Variants in KLF17 observed in about 807,000 individuals in gnomAD.
The protein encoded by KLF17 is Krueppel-like factor 17.
In KLF17, 31 loss-of-function variants were observed where a neutral mutation model predicts 34.2. That is an observed-to-expected ratio of 0.91 (90% CI 0.68 to 1.22). The LOEUF (loss-of-function observed/expected upper bound fraction) is 1.22. KLF17 is among the 50% of genes most tolerant of loss of function. The pLI is 0.00. For missense variants in KLF17, 478 were observed against 505.2 expected (o/e 0.95, Z 0.52); for synonymous variants, 179 against 186.7 (o/e 0.96, Z 0.34).
Position 44,125,813 on chromosome 1 carries a change from A to G in KLF17, c.82-3540A>G, listed in dbSNP as rs114848822. ...TTTCTTGGTATAGGTCTGTGAGTTT[A>G]TCCTACTTGAATTTTGTTGAGCTTC... On this transcript the variant is annotated intron_variant, in intron 1 of 3. Transcript: ENST00000372299. 7.8e-3 allele frequency among the ~76,000 whole-genome samples: 1,189 copies of G among 151,780 alleles called. 28 individuals carry two copies. The highest frequency in any genetic ancestry group is 0.027 in the African/African-American group (1,105 of 41,370).
chr1:44,074,015 C>G, the KLF17 span, among the ~76,000 whole-genome samples: 3 of 152,290 alleles, frequency 2.0e-5, no homozygotes, highest in East Asian at 3.9e-4. Flanking sequence ...AGCTGCCCCC[C>G]CAACAATATT....
chr1:44,106,650 G>A, the KLF17 span: 1 of 152,178 alleles, frequency 6.6e-6, no homozygotes, highest in African/African-American at 2.4e-5. Flanking sequence ...CACTGCCCAT[G>A]GTGAGTATGG....
chr1:44,122,214 C>G (rs1571985326), intron 1 of KLF17: 1 of 1,603,158 alleles, frequency 6.2e-7, no homozygotes, highest in Non-Finnish European at 8.5e-7. Flanking sequence ...TCCTCTGCCT[C>G]TGCCTCTTCC....
the KLF17 span, among the ~76,000 whole-genome samples, chr1:44,090,143 A>G: frequency 6.7e-4 from 101 of 150,336 alleles, no homozygotes; most frequent in African/African-American, 2.2e-3. Flanking sequence ...AAAAAAAAAA[A>G]AGAGAGAGAG....
the KLF17 span, among the ~76,000 whole-genome samples, chr1:44,071,873 G>T: frequency 1.3e-5 from 2 of 151,832 alleles, no homozygotes; most frequent in Non-Finnish European, 2.9e-5. Flanking sequence ...GCTACCTGCT[G>T]TCTGCTCCGG....
the KLF17 span, chr1:44,069,971 G>A: frequency 0.09 from 13,684 of 152,114 alleles, 638 homozygotes; most frequent in Non-Finnish European, 0.11. The surrounding 1 kb of genome is among the most constrained non-coding windows in gnomAD (Gnocchi z 4.7). Context: ...CATGGGTAGG[G>A]GAGGGCGGAA....
chr1:44,073,888 T>C, the KLF17 span, among the ~76,000 whole-genome samples: 4 of 152,214 alleles, frequency 2.6e-5, no homozygotes, highest in Non-Finnish European at 5.9e-5. Flanking sequence ...CTTCTCATTA[T>C]AATATAACAA....
At chr1:44,092,728 C>T in the KLF17 span, among the ~76,000 whole-genome samples, 2 of 151,468 alleles carry the variant, frequency 1.3e-5, no homozygotes, top group African/African-American at 4.9e-5. Context: ...CTCAGCCTTT[C>T]GAGTAGCTGG....
the KLF17 span, among the ~76,000 whole-genome samples, chr1:44,083,719 G>A: frequency 1.3e-5 from 2 of 150,556 alleles, no homozygotes; most frequent in Admixed American, 6.7e-5. Flanking sequence ...CTTTGAAGAC[G>A]GGAGTTGGAG....
At chr1:44,127,861 C>T (rs537266724) in intron 1 of KLF17, among the ~76,000 whole-genome samples, 4 of 117,440 alleles carry the variant, frequency 3.4e-5, no homozygotes, top group South Asian at 5.9e-4. Context: ...CAACAATTTT[C>T]GGGTGACTTT....
At chr1:44,109,969 A>G in the KLF17 span, among the ~76,000 whole-genome samples, 95 of 138,192 alleles carry the variant, frequency 6.9e-4, 1 homozygote, top group East Asian at 0.018. Context: ...GTGCAATGGC[A>G]CGATCTCGGC....
At chr1:44,119,728 C>A (rs2087925712) in intron 1 of KLF17, among the ~76,000 whole-genome samples, 2 of 152,114 alleles carry the variant, frequency 1.3e-5, no homozygotes, top group African/African-American at 4.8e-5. Flanking sequence ...TTAGGAGGAA[C>A]TGAAAGACCA....
chr1:44,087,352 C>T, the KLF17 span, among the ~76,000 whole-genome samples: 1 of 151,950 alleles, frequency 6.6e-6, no homozygotes, highest in South Asian at 2.1e-4. Context: ...CTTCCCTGGG[C>T]TCAGGGGATC....
upstream of KLF17, among the ~76,000 whole-genome samples, chr1:44,116,664 TC>T (rs2087882057): frequency 1.3e-5 from 2 of 152,338 alleles, no homozygotes; most frequent in South Asian, 2.1e-4. Flanking sequence ...TCTTGCCAAA[TC>T]CAGTAGTCAC....
the KLF17 span, among the ~76,000 whole-genome samples, chr1:44,097,340 C>A: frequency 6.6e-6 from 1 of 152,132 alleles, no homozygotes; most frequent in Admixed American, 6.6e-5. Flanking sequence ...ATTGTCTTGG[C>A]TATGCGGGCT....
At chr1:44,108,723 T>C in the KLF17 span, among the ~76,000 whole-genome samples, 462 of 135,192 alleles carry the variant, frequency 3.4e-3, 2 homozygotes, top group African/African-American at 0.012. Context: ...TGGAGTGCAA[T>C]AGCGTGATCT....
chr1:44,098,117 G>C, the KLF17 span, among the ~76,000 whole-genome samples: 1 of 152,074 alleles, frequency 6.6e-6, no homozygotes, highest in African/African-American at 2.4e-5. Flanking sequence ...CCACAGGTAT[G>C]TGCCACCATG....
At chr1:44,066,571 A>G in the KLF17 span, among the ~76,000 whole-genome samples, 8 of 151,948 alleles carry the variant, frequency 5.3e-5, no homozygotes, top group African/African-American at 1.9e-4. Context: ...TTATACATTA[A>G]TGGTTGGTGT....
chr1:44,128,764 G>A (rs181996967), intron 1 of KLF17, among the ~76,000 whole-genome samples: 1 of 152,270 alleles, frequency 6.6e-6, no homozygotes, highest in East Asian at 1.9e-4. Flanking sequence ...TGTAATCCCA[G>A]CACTTTGGGA....
Sources: allele counts gnomAD v4.1 joint callset (sites outside exome capture counted in the v4.1 genomes callset), GRCh38; gene constraint gnomAD v4.1.1; non-coding constraint Gnocchi (gnomAD v3.1); transcripts MANE v1.5; gene names NCBI Gene and HGNC (gene_info 2026-07-23, HGNC 2026-07-21).